Variants in CFAP299 observed in about 807,000 individuals in gnomAD.
The protein encoded by CFAP299 is cilia and flagella associated protein 299.
Under a neutral mutation model 27.0 loss-of-function variants are expected in CFAP299, and 21 were observed. The ratio of observed to expected loss-of-function variants is 0.78; its 90% CI spans 0.55 to 1.12. The LOEUF (loss-of-function observed/expected upper bound fraction) is 1.12, where lower values mean the gene tolerates loss of function less well. Among genes scored for constraint, CFAP299 ranks in the 50% most tolerant of loss-of-function variants. CFAP299 has a pLI of 0.00. For missense variants in CFAP299, 310 were observed against 276.6 expected, an observed-to-expected ratio of 1.12 and a Z score of -0.86; for synonymous variants, 104 against 98.1, an observed-to-expected ratio of 1.06 and a Z score of -0.36.
chr4:80,620,679 C>A (rs1030471658), intron 3 of CFAP299, among the ~76,000 whole-genome samples: 18 of 152,036 alleles, frequency 1.2e-4, no homozygotes, highest in Non-Finnish European at 2.2e-4. Context: ...CATCTTCAAT[C>A]AACTTTACAT....
intron 3 of CFAP299, among the ~76,000 whole-genome samples, chr4:80,631,170 A>G (rs1560667097): frequency 1.3e-5 from 2 of 152,100 alleles, no homozygotes; most frequent in Non-Finnish European, 2.9e-5. Context: ...TATTTATGAA[A>G]GTTGCCATTA....
chr4:80,509,057 C>T (rs768055502), intron 2 of CFAP299, among the ~76,000 whole-genome samples: 2 of 152,080 alleles, frequency 1.3e-5, no homozygotes, highest in African/African-American at 2.4e-5. Flanking sequence ...CTTCCTGACC[C>T]CAGATGTTTC....
chr4:80,762,866 T>A (rs1014144327), intron 3 of CFAP299, among the ~76,000 whole-genome samples: 1 of 152,164 alleles, frequency 6.6e-6, no homozygotes, highest in South Asian at 2.1e-4. Context: ...ATAGATCCCA[T>A]ACCAACTCCA....
intron 3 of CFAP299, among the ~76,000 whole-genome samples, chr4:80,863,211 T>TTTC (rs1732492011): frequency 6.6e-6 from 1 of 151,942 alleles, no homozygotes; most frequent in Non-Finnish European, 1.5e-5. Flanking sequence ...CTTTTTTTTT[T>TTTC]TTTTTTAAGT....
At chr4:80,705,334 A>C (rs1478164345) in intron 3 of CFAP299, among the ~76,000 whole-genome samples, 1 of 151,822 alleles carries the variant, frequency 6.6e-6, no homozygotes, top group Non-Finnish European at 1.5e-5. Flanking sequence ...CATGGCTGCC[A>C]AGGTGGTACA....
chr4:80,690,991 A>G (rs1330510499), intron 3 of CFAP299, among the ~76,000 whole-genome samples: 1 of 148,264 alleles, frequency 6.7e-6, no homozygotes, highest in African/African-American at 2.5e-5. Context: ...AGACTAAACC[A>G]GGAAGAAGTT....
intron 4 of CFAP299, among the ~76,000 whole-genome samples, chr4:80,914,627 G>A (rs926632090): frequency 3.3e-5 from 5 of 152,112 alleles, no homozygotes; most frequent in Non-Finnish European, 5.9e-5. Flanking sequence ...TTTCTCTAAT[G>A]ATGAATGACA....
rs192300606 is a variant in CFAP299 at position 80,706,002 on chromosome 4, C to T, written c.333+122819C>T. Among the ~76,000 whole-genome samples the T allele has an allele frequency of 2.6e-5, 4 of 151,878 alleles. No homozygotes were observed. In the East Asian group the frequency reaches 7.7e-4, roughly 29 times the overall value. On this transcript the variant is annotated intron_variant, in intron 3 of 5. Transcript: ENST00000358105. Reference sequence around the variant, plus strand: ...TTTGAATTGTAAAAAATTTCTTCTACTGCTGCAATATTGATTATGCAATAA... The same window carrying T: ...TTTGAATTGTAAAAAATTTCTTCTATTGCTGCAATATTGATTATGCAATAA...
chr4:80,963,736 A>C lies in CFAP299; in HGVS notation c.*124A>C, dbSNP rs1436419395. The stretch of plus-strand genomic sequence containing the variant: ...AATTAGAACAATAAAGTTAATAAAG[A>C]AGTTAGAAAGAAAACTGTAATATTG... On this transcript the variant is annotated 3_prime_UTR_variant, in exon 6 of 6. Transcript: ENST00000358105. 6.6e-6 allele frequency: 4 copies of C among 602,138 alleles called. No individual in the cohort carries two copies. Among genetic ancestry groups the C allele is most frequent in the South Asian group, 2.5e-5 (1 of 39,846 alleles). 37.3% of individuals were successfully genotyped at this position (602,138 alleles called of 1,614,324 possible). A position where few individuals can be genotyped will look rare whatever the true frequency, so the allele number is the denominator to read the frequency against.
At chr4:80,720,312 A>G (rs1722738373) in intron 3 of CFAP299, among the ~76,000 whole-genome samples, 1 of 152,206 alleles carries the variant, frequency 6.6e-6, no homozygotes, top group Admixed American at 6.5e-5. Context: ...ACACAGGGTC[A>G]CCAACTAGAT....
intron 2 of CFAP299, among the ~76,000 whole-genome samples, chr4:80,369,970 T>G (rs142528342): frequency 1.3e-3 from 197 of 152,328 alleles, no homozygotes; most frequent in African/African-American, 4.3e-3. Flanking sequence ...TACACTGCTG[T>G]AAAGAAATAT....
chr4:80,343,184 T>TA (rs1022236099), intron 1 of CFAP299, among the ~76,000 whole-genome samples: 1 of 152,174 alleles, frequency 6.6e-6, no homozygotes, highest in African/African-American at 2.4e-5. Flanking sequence ...AGCAAGTTCT[T>TA]AGAGACCTAC....
At chr4:80,912,062 T>C (rs1735498803) in intron 4 of CFAP299, among the ~76,000 whole-genome samples, 1 of 152,154 alleles carries the variant, frequency 6.6e-6, no homozygotes, top group Admixed American at 6.5e-5. Flanking sequence ...ATATTAAGCA[T>C]TTGATCCTCT....
chr4:80,648,076 T>C (rs1246516356), intron 3 of CFAP299, among the ~76,000 whole-genome samples: 1 of 152,134 alleles, frequency 6.6e-6, no homozygotes, highest in Non-Finnish European at 1.5e-5. Context: ...AGGAAAAATG[T>C]TTTTAAGAAA....
At chr4:80,379,131 A>G (rs1428383666) in intron 2 of CFAP299, among the ~76,000 whole-genome samples, 1 of 152,070 alleles carries the variant, frequency 6.6e-6, no homozygotes. Flanking sequence ...GATAATAGGG[A>G]AAATCAGGTT....
In CFAP299 at chr4:80,799,662, ATTT is replaced by A. The variant is rs1192088648; in HGVS notation, c.334-70329_334-70327del. ...ATAAAATATATATTTTATATATTAT[ATTT>A]TATAAATATATATTTATAAATATAT... On this transcript the variant is annotated intron_variant, in intron 3 of 5. Coordinates refer to ENST00000358105, the MANE Select transcript of CFAP299 (RefSeq NM_152770.3). 1.5e-3 allele frequency among the ~76,000 whole-genome samples: 27 copies of A among 17,908 alleles called. 1 individual carries two copies. The highest frequency in any genetic ancestry group is 6.2e-3 in the African/African-American group (22 of 3,558). 11.7% of individuals were successfully genotyped at this position (17,908 alleles called of 152,430 possible).
At chr4:80,532,229 G>A (rs12650756) in intron 2 of CFAP299, among the ~76,000 whole-genome samples, 13,876 of 151,986 alleles carry the variant, frequency 0.091, 689 homozygotes, top group Middle Eastern at 0.2. Flanking sequence ...TGGCTCTTTT[G>A]GAAATAGCTT....
intron 2 of CFAP299, among the ~76,000 whole-genome samples, chr4:80,542,331 T>C (rs542990222): frequency 1.3e-5 from 2 of 152,252 alleles, no homozygotes; most frequent in South Asian, 4.2e-4. Flanking sequence ...TGAGAAAATA[T>C]GGCCATTTAA....
chr4:80,608,887 G>A (rs199648599), intron 3 of CFAP299, among the ~76,000 whole-genome samples: 5 of 140,032 alleles, frequency 3.6e-5, no homozygotes, highest in Non-Finnish European at 8.0e-5. Context: ...GTGTGTGTGT[G>A]TGTATGTGCA....
Sources: allele counts gnomAD v4.1 joint callset (sites outside exome capture counted in the v4.1 genomes callset), GRCh38; gene constraint gnomAD v4.1.1; transcripts MANE v1.5; gene names NCBI Gene and HGNC (gene_info 2026-07-23, HGNC 2026-07-21).